The following CNTNAP2 variants were observed in gnomAD, a reference collection of about 807,000 sequenced individuals.
CNTNAP2 encodes the protein contactin-associated protein-like 2.
A neutral mutation model predicts 155.2 loss-of-function variants in CNTNAP2; 98 were observed. The ratio of observed to expected loss-of-function variants is 0.63; its 90% CI spans 0.54 to 0.75. The LOEUF (loss-of-function observed/expected upper bound fraction) is 0.75, where lower values mean the gene tolerates loss of function less well. CNTNAP2 is among the 30% of genes least tolerant of loss of function. The pLI is 0.00. For synonymous variants in CNTNAP2, 651 were observed against 631.2 expected (o/e 1.03, Z -0.47); for missense variants, 1,727 against 1,688.1 (o/e 1.02, Z -0.40).
At chr7:147,989,602 G>A (rs771767344) in intron 15 of CNTNAP2, among the ~76,000 whole-genome samples, 14 of 152,100 alleles carry the variant, frequency 9.2e-5, no homozygotes, top group Non-Finnish European at 1.9e-4. Flanking sequence ...GCCTTTTCTT[G>A]GAGAAGACAG....
chr7:147,167,177 A>T (rs542446892), intron 8 of CNTNAP2, among the ~76,000 whole-genome samples: 5 of 152,252 alleles, frequency 3.3e-5, no homozygotes, highest in Non-Finnish European at 7.4e-5. Context: ...TGTATCTATT[A>T]TGCTCTCACA....
At chr7:147,221,386 CTG>C (rs1803395919) in intron 8 of CNTNAP2, among the ~76,000 whole-genome samples, 1 of 152,138 alleles carries the variant, frequency 6.6e-6, no homozygotes, top group Non-Finnish European at 1.5e-5. Context: ...TGCAGGGAAA[CTG>C]AGCAGCCAGC....
chr7:147,557,931 G>A (rs1428136901), intron 11 of CNTNAP2, among the ~76,000 whole-genome samples: 1 of 152,120 alleles, frequency 6.6e-6, no homozygotes, highest in Non-Finnish European at 1.5e-5. Context: ...GGCGGTAAAT[G>A]ACAGAAAGGA....
At chr7:147,411,831 A>C (rs1392161387) in intron 10 of CNTNAP2, among the ~76,000 whole-genome samples, 1 of 152,206 alleles carries the variant, frequency 6.6e-6, no homozygotes, top group Admixed American at 6.5e-5. Context: ...ATCACTAGGA[A>C]GGAAGAGGAA....
intron 3 of CNTNAP2, among the ~76,000 whole-genome samples, chr7:146,929,798 G>A (rs1006160323): frequency 1.3e-5 from 2 of 152,218 alleles, no homozygotes; most frequent in Non-Finnish European, 2.9e-5. Context: ...GAATGCAGAA[G>A]CCTCAGGAGC....
intron 12 of CNTNAP2, among the ~76,000 whole-genome samples, chr7:147,598,764 G>C (rs1367995034): frequency 6.6e-6 from 1 of 152,142 alleles, no homozygotes; most frequent in Non-Finnish European, 1.5e-5. Context: ...TACCTAGTGG[G>C]AGTTAATTGA....
chr7:146,121,253 C>T (rs1296937307), intron 1 of CNTNAP2, among the ~76,000 whole-genome samples: 1 of 150,894 alleles, frequency 6.6e-6, no homozygotes, highest in Non-Finnish European at 1.5e-5. Context: ...CTCAGCCTCC[C>T]GAGTAGCTGG....
intron 11 of CNTNAP2, among the ~76,000 whole-genome samples, chr7:147,550,575 A>T (rs145500836): frequency 1.9e-4 from 29 of 152,308 alleles, no homozygotes; most frequent in Admixed American, 9.8e-4. Context: ...TGGACTAAAT[A>T]CACTGAGCAT....
At chr7:147,450,460 G>C (rs188552468) in intron 10 of CNTNAP2, among the ~76,000 whole-genome samples, 6 of 152,132 alleles carry the variant, frequency 3.9e-5, no homozygotes, top group Non-Finnish European at 7.3e-5. Context: ...TCAGCCTTAT[G>C]AGACCCTAAG....
chr7:147,600,908 A>G (rs1302797090), intron 12 of CNTNAP2, among the ~76,000 whole-genome samples: 1 of 152,226 alleles, frequency 6.6e-6, no homozygotes, highest in East Asian at 1.9e-4. Context: ...CATGGTGATA[A>G]CATGAGGGTA....
chr7:146,799,977 GAAAA>G (rs1802844805), intron 2 of CNTNAP2, among the ~76,000 whole-genome samples: 1 of 61,672 alleles, frequency 1.6e-5, no homozygotes, highest in Non-Finnish European at 2.6e-5. Flanking sequence ...AAAAAAGTAT[GAAAA>G]TATGAAAATA....
chr7:146,682,768 GA>G (rs908027289), intron 1 of CNTNAP2, among the ~76,000 whole-genome samples: 2 of 152,174 alleles, frequency 1.3e-5, no homozygotes, highest in African/African-American at 4.8e-5. Context: ...TTGCTAAGCA[GA>G]AATACATTAT....
At chr7:147,987,686 G>GTTATT (rs1390871965) in intron 15 of CNTNAP2, among the ~76,000 whole-genome samples, 8 of 152,150 alleles carry the variant, frequency 5.3e-5, no homozygotes, top group Middle Eastern at 3.4e-3. Flanking sequence ...TCTATTTTAT[G>GTTATT]TTATTTTATT....
At chr7:146,852,517 T>C (rs1057193817) in intron 3 of CNTNAP2, among the ~76,000 whole-genome samples, 1 of 152,196 alleles carries the variant, frequency 6.6e-6, no homozygotes, top group Non-Finnish European at 1.5e-5. Context: ...AATCATGTCC[T>C]ACTTTCAAAC....
At chr7:146,163,555 A>G (rs1798263222) in intron 1 of CNTNAP2, among the ~76,000 whole-genome samples, 1 of 130,528 alleles carries the variant, frequency 7.7e-6, no homozygotes, top group Non-Finnish European at 1.6e-5. Flanking sequence ...ATATATCTAT[A>G]TCTATATCTA....
intron 2 of CNTNAP2, among the ~76,000 whole-genome samples, chr7:146,817,834 A>G (rs1325796636): frequency 6.6e-6 from 1 of 152,190 alleles, no homozygotes; most frequent in African/African-American, 2.4e-5. Context: ...GCGGATTACA[A>G]GTCGACATGA....
intron 3 of CNTNAP2, among the ~76,000 whole-genome samples, chr7:147,028,876 C>G (rs10487682): frequency 0.17 from 25,851 of 151,500 alleles, 3,754 homozygotes; most frequent in African/African-American, 0.38. Context: ...CTTTAATAAT[C>G]CATAGAAGAA....
intron 13 of CNTNAP2, among the ~76,000 whole-genome samples, chr7:147,821,447 GTATATTCCAGTGGAGGGAAAACACAA>G (rs1798358976): frequency 6.6e-6 from 1 of 152,120 alleles, no homozygotes; most frequent in South Asian, 2.1e-4. Context: ...CCCATGGTAT[GTATATTCCAGTGGAGGGAAAACACAA>G]TAAATCATAA....
chr7:146,789,630 A>G (rs747663860), intron 2 of CNTNAP2, among the ~76,000 whole-genome samples: 2 of 151,818 alleles, frequency 1.3e-5, no homozygotes, highest in Non-Finnish European at 2.9e-5. Context: ...TGTACTCTAA[A>G]TATTATATAT....
Sources: allele counts gnomAD v4.1 joint callset (sites outside exome capture counted in the v4.1 genomes callset), GRCh38; gene constraint gnomAD v4.1.1; transcripts MANE v1.5; gene names NCBI Gene and HGNC (gene_info 2026-07-23, HGNC 2026-07-21).